Variants in MYO16 observed in about 807,000 individuals in gnomAD.
MYO16 encodes myosin XVI, also known as unconventional myosin-XVI.
MYO16 carries 94 observed loss-of-function variants against 205.3 expected under a neutral mutation model. The ratio of observed to expected loss-of-function variants is 0.46; its 90% confidence interval spans 0.39 to 0.54. The LOEUF (loss-of-function observed/expected upper bound fraction) is 0.54, where lower values mean the gene tolerates loss of function less well. Ranked by LOEUF, MYO16 falls within the 20% of genes least tolerant of loss-of-function variation. The pLI is 0.00. For synonymous variants in MYO16, 988 were observed against 954.0 expected (o/e 1.04, Z -0.66); for missense variants, 2,315 against 2,387.5 (o/e 0.97, Z 0.63).
chr13:108,724,789 C>T lies in MYO16; in HGVS notation c.364-2651C>T, dbSNP rs143010115. On this transcript the variant is annotated intron_variant, in intron 3 of 34. Coordinates refer to ENST00000457511, the MANE Select transcript of MYO16 (RefSeq NM_001198950.3). ...TATTATGTTTTCATTTCTCCCCTTC[C>T]CGCCTTTGTTTTATTGCTGTGATAT... is the stretch of plus-strand genomic sequence containing the variant. Among the ~76,000 whole-genome samples the T allele has an allele frequency of 4.8e-3, 725 of 152,168 alleles. 2 individuals carry two copies. The highest frequency in any genetic ancestry group is 0.016 in the African/African-American group (674 of 41,510).
chr13:108,803,077 TA>T (rs1887013868), intron 6 of MYO16, among the ~76,000 whole-genome samples: 1 of 152,198 alleles, frequency 6.6e-6, no homozygotes, highest in Non-Finnish European at 1.5e-5. Flanking sequence ...TTACATATCT[TA>T]AACTCTTAAA....
chr13:108,536,929 C>T, the MYO16 span, among the ~76,000 whole-genome samples: 4 of 151,986 alleles, frequency 2.6e-5, no homozygotes, highest in Admixed American at 2.6e-4. Flanking sequence ...GTTGAGATTC[C>T]TGGAACTAAT....
intron 20 of MYO16, among the ~76,000 whole-genome samples, chr13:108,984,133 C>A (rs1884546821): frequency 6.6e-6 from 1 of 152,152 alleles, no homozygotes; most frequent in South Asian, 2.1e-4. Flanking sequence ...CTACTTTCTG[C>A]CATAATGAAT....
At chr13:109,041,722 C>T (rs1399385645) in intron 23 of MYO16, among the ~76,000 whole-genome samples, 1 of 152,098 alleles carries the variant, frequency 6.6e-6, no homozygotes, top group African/African-American at 2.4e-5. Flanking sequence ...TTATCTGTAT[C>T]ATTTCTTACA....
chr13:108,564,172 C>CTTTTT, the MYO16 span, among the ~76,000 whole-genome samples: 1 of 126,702 alleles, frequency 7.9e-6, no homozygotes, highest in Non-Finnish European at 1.7e-5. Context: ...CTATTGCCTT[C>CTTTTT]TTTTTTTTTT....
chr13:109,034,427 C>A (rs1327193285), intron 23 of MYO16, among the ~76,000 whole-genome samples: 2 of 152,052 alleles, frequency 1.3e-5, no homozygotes, highest in East Asian at 3.9e-4. Context: ...GAGCTCTTTC[C>A]CCTTCGCTCA....
Position 109,193,291 on chromosome 13 carries a change from G to A in MYO16, c.5416-13318G>A, listed in dbSNP as rs930883662. 3.3e-5 allele frequency among the ~76,000 whole-genome samples: 5 copies of A among 152,258 alleles called. No homozygotes were observed. In the South Asian group the frequency reaches 1.0e-3, roughly 32 times the overall value. On this transcript the variant is annotated intron_variant, in intron 34 of 34. Coordinates refer to ENST00000457511, the MANE Select transcript of MYO16 (RefSeq NM_001198950.3). ...CTGAGAAATAGAAATATTTTAATAGGTTCAGCATTTTCTGAGTGCATTTAT... is the reference window on the plus strand; with the variant it reads ...CTGAGAAATAGAAATATTTTAATAGATTCAGCATTTTCTGAGTGCATTTAT...
the MYO16 span, among the ~76,000 whole-genome samples, chr13:108,508,653 G>A: frequency 1.3e-5 from 2 of 152,142 alleles, no homozygotes; most frequent in African/African-American, 4.8e-5. Context: ...GAGAAGCTAT[G>A]AGTTGAGAGT....
At chr13:108,860,969 ACATT>A (rs1203965729) in intron 11 of MYO16, among the ~76,000 whole-genome samples, 6 of 152,216 alleles carry the variant, frequency 3.9e-5, no homozygotes, top group Non-Finnish European at 8.8e-5. Flanking sequence ...TTCAGATACT[ACATT>A]AGTAAGGTCC....
chr13:109,113,538 A>G (rs1194857094), intron 28 of MYO16, among the ~76,000 whole-genome samples: 1 of 152,238 alleles, frequency 6.6e-6, no homozygotes, highest in African/African-American at 2.4e-5. Context: ...TAAAAAATGG[A>G]CGCATGTAGA....
chr13:108,988,449 TA>T (rs1242172984), intron 20 of MYO16, among the ~76,000 whole-genome samples: 3 of 151,652 alleles, frequency 2.0e-5, no homozygotes, highest in African/African-American at 4.9e-5. Flanking sequence ...CTTTTTTTTT[TA>T]AAACCAAATA....
chr13:109,019,758 T>C lies in MYO16; in HGVS notation c.2643T>C (p.Ile881=), dbSNP rs773287038. 6.2e-7 allele frequency: 1 copy of C among 1,614,120 alleles called. No homozygotes were observed. Among genetic ancestry groups the C allele is most frequent in the Admixed American group, 1.7e-5 (1 of 60,020 alleles). ...TATTGGATGAAGAAAGTCAAATGAT[T>C]TGGTCAGTGGAATCAAATTTTCCAA... The part of the protein sequence containing the change: ...LTLLDEESQM[I]WSVESNFPKK... Residue 881 remains isoleucine (I), a synonymous_variant, in exon 23 of 35, where the codon ATT becomes ATC. Transcript: ENST00000457511.
chr13:108,710,357 T>G, intron 2 of MYO16, among the ~76,000 whole-genome samples: 1 of 152,238 alleles, frequency 6.6e-6, no homozygotes, highest in Non-Finnish European at 1.5e-5. Context: ...TTTTGTTTGA[T>G]AAATTATACA....
At chr13:109,040,483 A>C (rs1173602895) in intron 23 of MYO16, among the ~76,000 whole-genome samples, 1 of 152,084 alleles carries the variant, frequency 6.6e-6, no homozygotes. Context: ...ATTAGCAGAT[A>C]GAACTTAGCA....
chr13:108,767,508 ATTTG>A (rs1885820980), intron 4 of MYO16, among the ~76,000 whole-genome samples: 1 of 152,026 alleles, frequency 6.6e-6, no homozygotes, highest in South Asian at 2.1e-4. Context: ...GCATTTTGTT[ATTTG>A]TTCTGGTCTG....
chr13:109,117,769 G>T (rs976442516), intron 28 of MYO16, among the ~76,000 whole-genome samples: 5 of 152,124 alleles, frequency 3.3e-5, no homozygotes, highest in African/African-American at 1.2e-4. Flanking sequence ...ATTAATTGGA[G>T]TATTTTGCCC....
chr13:108,887,077 C>T (rs565693298), intron 13 of MYO16, among the ~76,000 whole-genome samples: 2 of 152,180 alleles, frequency 1.3e-5, no homozygotes, highest in South Asian at 4.1e-4. Flanking sequence ...TGTCCCAGAA[C>T]GAGCACTTAC....
chr13:109,151,420 C>T lies in MYO16; in HGVS notation c.5164+10044C>T, dbSNP rs78478023. Reference sequence around the variant, plus strand: ...CAATATGATTCATTTCTCTCCTCCACGCAAATGACTAAGTTCTAAACTATG... The same window carrying T: ...CAATATGATTCATTTCTCTCCTCCATGCAAATGACTAAGTTCTAAACTATG... On this transcript the variant is annotated intron_variant, in intron 32 of 34. Coordinates refer to ENST00000457511, the MANE Select transcript of MYO16 (RefSeq NM_001198950.3). Among the ~76,000 whole-genome samples the T allele has an allele frequency of 2.0e-3, 306 of 152,310 alleles. 3 individuals carry two copies. In the East Asian group the frequency reaches 0.031, roughly 16 times the overall value.
intron 4 of MYO16, among the ~76,000 whole-genome samples, chr13:108,732,429 C>T (rs931375413): frequency 2.0e-5 from 3 of 152,154 alleles, no homozygotes; most frequent in Admixed American, 6.5e-5. Context: ...AGGATGGCTT[C>T]ATGAAAAAGG....
Sources: gnomAD v4.1 joint callset for allele counts (sites outside exome capture counted in the v4.1 genomes callset) on GRCh38, gnomAD v4.1.1 for gene constraint, MANE v1.5 for transcripts, NCBI Gene and HGNC (gene_info 2026-07-23, HGNC 2026-07-21) for gene names.